SNX8: variants seen among roughly 807,000 people sequenced by gnomAD.
The protein encoded by SNX8 is sorting nexin 8.
A neutral mutation model predicts 51.6 loss-of-function variants in SNX8; 25 were observed. That is an observed-to-expected ratio of 0.48 (90% CI 0.35 to 0.68). SNX8 has a LOEUF of 0.68. Ranked by LOEUF, SNX8 falls within the 30% of genes least tolerant of loss-of-function variation. The pLI is 0.00. For synonymous variants in SNX8, 324 were observed against 277.0 expected, an observed-to-expected ratio of 1.17 and a Z score of -1.68; for missense variants, 695 against 624.0, an observed-to-expected ratio of 1.11 and a Z score of -1.21.
chr7:2,277,835 C>T (rs1288043692), intron 2 of SNX8, among the ~76,000 whole-genome samples: 3 of 151,632 alleles, frequency 2.0e-5, no homozygotes, highest in Non-Finnish European at 4.4e-5. Flanking sequence ...AACAGGACTC[C>T]AGAGCACAGT....
intron 1 of SNX8, among the ~76,000 whole-genome samples, chr7:2,334,196 G>C (rs1778785643): frequency 6.6e-6 from 1 of 152,124 alleles, no homozygotes; most frequent in Admixed American, 6.6e-5. Context: ...GAGGTCAGCA[G>C]ATCGAGACCA....
At chr7:2,263,141 T>A (rs571141945) in intron 7 of SNX8, 89 bp downstream of exon 7, 1 of 1,451,580 alleles carries the variant, frequency 6.9e-7, no homozygotes, top group Admixed American at 2.1e-5. Flanking sequence ...AAAAACGAAC[T>A]GTGACGCCCA....
chr7:2,345,135 A>G (rs1369083968), intron 1 of SNX8, among the ~76,000 whole-genome samples: 4 of 152,162 alleles, frequency 2.6e-5, no homozygotes, highest in African/African-American at 9.6e-5. Context: ...GCTCATAGAG[A>G]CAAGCATAAG....
chr7:2,302,675 G>A (rs149414152), intron 1 of SNX8, among the ~76,000 whole-genome samples: 3,096 of 151,734 alleles, frequency 0.02, 119 homozygotes, highest in African/African-American at 0.071. Context: ...CTTCCCGGCC[G>A]CCACCACATC....
intron 1 of SNX8, among the ~76,000 whole-genome samples, chr7:2,298,361 G>T (rs1464917088): frequency 6.6e-6 from 1 of 151,916 alleles, no homozygotes; most frequent in African/African-American, 2.4e-5. Flanking sequence ...TTTTATTTTT[G>T]GTTTGGGTTG....
Position 2,254,819 on chromosome 7 carries a change from C to T in SNX8, c.*237G>A. 3.5e-6 allele frequency: 2 copies of T among 572,416 alleles called. No individual in the cohort carries two copies. The highest frequency in any genetic ancestry group is 6.2e-6 in the Non-Finnish European group (2 of 320,260). 35.5% of individuals were successfully genotyped at this position (572,416 alleles called of 1,614,324 possible). A position where few individuals can be genotyped will look rare whatever the true frequency, so the allele number is the denominator to read the frequency against. ...GTCAGGAGGAAACCATTCCAGAGAA[C>T]CCCACCACCTCTCTCGACCAGGCTA... On this transcript the variant is annotated 3_prime_UTR_variant, in exon 11 of 11. Coordinates refer to ENST00000222990, the MANE Select transcript of SNX8 (RefSeq NM_013321.4).
chr7:2,289,293 T>C (rs1387687818), intron 1 of SNX8, among the ~76,000 whole-genome samples: 1 of 152,174 alleles, frequency 6.6e-6, no homozygotes, highest in Non-Finnish European at 1.5e-5. Context: ...TTGGTGGACA[T>C]ATGTGTGCCT....
chr7:2,313,523 CAAAAAA>C (rs371626274), intron 1 of SNX8, among the ~76,000 whole-genome samples: 1 of 108,092 alleles, frequency 9.3e-6, no homozygotes, highest in East Asian at 3.2e-4. Context: ...GAATCTGTCT[CAAAAAA>C]AAAAAAAAAA....
chr7:2,292,164 G>A (rs1796164707), intron 1 of SNX8, among the ~76,000 whole-genome samples: 1 of 152,146 alleles, frequency 6.6e-6, no homozygotes, highest in South Asian at 2.1e-4. Context: ...TTGGGAGGCT[G>A]AGGCAGGAGA....
At chr7:2,293,259 C>T (rs1324618704) in intron 1 of SNX8, among the ~76,000 whole-genome samples, 10 of 148,638 alleles carry the variant, frequency 6.7e-5, no homozygotes, top group Non-Finnish European at 1.2e-4. Context: ...GAATTACAGG[C>T]GTGAGCCACT....
chr7:2,339,265 G>A (rs777882927), intron 1 of SNX8, among the ~76,000 whole-genome samples: 7 of 152,020 alleles, frequency 4.6e-5, no homozygotes, highest in Non-Finnish European at 1.0e-4. Context: ...GAGTGCAGCG[G>A]CACGATCTCG....
At chr7:2,255,998 C>A (rs1795168435) in intron 10 of SNX8, among the ~76,000 whole-genome samples, 1 of 152,208 alleles carries the variant, frequency 6.6e-6, no homozygotes, top group Non-Finnish European at 1.5e-5. Flanking sequence ...AAATTCCTCA[C>A]CACCACAATA....
intron 1 of SNX8, among the ~76,000 whole-genome samples, chr7:2,352,060 A>G (rs911517865): frequency 2.6e-5 from 4 of 151,702 alleles, no homozygotes; most frequent in Admixed American, 6.6e-5. Context: ...GGCATGTGCC[A>G]CCATGCCTGG....
chr7:2,337,215 G>A (rs923693279), intron 1 of SNX8: 2 of 152,100 alleles, frequency 1.3e-5, no homozygotes, highest in African/African-American at 2.4e-5. Flanking sequence ...CACACTTTCA[G>A]AGGCCGAGGC....
chr7:2,351,943 C>G (rs1169119493), intron 1 of SNX8, among the ~76,000 whole-genome samples: 4 of 104,108 alleles, frequency 3.8e-5, no homozygotes, highest in African/African-American at 1.6e-4. Context: ...GATTTTTGCT[C>G]GTTGCCCAGG....
At chr7:2,315,540 C>T (rs1796739726), upstream of SNX8, among the ~76,000 whole-genome samples, 1 of 150,380 alleles carries the variant, frequency 6.6e-6, no homozygotes, top group African/African-American at 2.4e-5. Flanking sequence ...CTGCATCCTG[C>T]ATTCATTCAT....
chr7:2,343,728 C>T (rs1369088810), intron 1 of SNX8, among the ~76,000 whole-genome samples: 1 of 151,752 alleles, frequency 6.6e-6, no homozygotes, highest in Non-Finnish European at 1.5e-5. Context: ...GGTAAAAATG[C>T]CAGATATGAG....
chr7:2,310,704 G>C lies in SNX8; in HGVS notation c.94+3624C>G, dbSNP rs369250324. Among the ~76,000 whole-genome samples, 6 of 152,232 alleles carry C rather than the reference G, an allele frequency of 3.9e-5. No homozygotes were observed. The South Asian group carries it at 6.2e-4, about 16-fold the overall frequency. On this transcript the variant is annotated intron_variant, in intron 1 of 10. Coordinates refer to ENST00000222990, the MANE Select transcript of SNX8 (RefSeq NM_013321.4). ...AAGAATGGCGTCAACCCAGGAGGTG[G>C]AGCTTGCAGTGAGCCAAGATCGCAC...
intron 1 of SNX8, among the ~76,000 whole-genome samples, chr7:2,314,029 C>T (rs1294080263): frequency 1.3e-5 from 2 of 152,230 alleles, no homozygotes; most frequent in Admixed American, 1.3e-4. Flanking sequence ...GAGGACGCCT[C>T]TGAGAGCCCC....
Sources: gnomAD v4.1 joint callset for allele counts (sites outside exome capture counted in the v4.1 genomes callset) on GRCh38, gnomAD v4.1.1 for gene constraint, MANE v1.5 for transcripts, NCBI Gene and HGNC (gene_info 2026-07-23, HGNC 2026-07-21) for gene names.